Variants in FYN observed in about 807,000 individuals in gnomAD.
FYN encodes the protein tyrosine-protein kinase Fyn.
A neutral mutation model predicts 70.2 loss-of-function variants in FYN; 10 were observed. The ratio of observed to expected loss-of-function variants is 0.14; its 90% confidence interval spans 0.09 to 0.24. The LOEUF is 0.24. Among genes scored for constraint, FYN ranks in the 10% least tolerant of loss-of-function variants. The probability of loss-of-function intolerance (pLI) is 1.00; values close to 1 mark genes in which losing one functional copy is unlikely to be tolerated. For missense variants in FYN, 319 were observed against 673.1 expected, an observed-to-expected ratio of 0.47 and a Z score of 5.82; for synonymous variants, 236 against 248.6, an observed-to-expected ratio of 0.95 and a Z score of 0.48.
intron 9 of FYN, chr6:111,699,625 C>G: frequency 1.2e-6 from 2 of 1,614,116 alleles, no homozygotes; most frequent in Non-Finnish European, 1.7e-6. Flanking sequence ...TGGGGTACAA[C>G]TCGATGCAAT....
chr6:111,860,237 T>A (rs1049865865), intron 1 of FYN, among the ~76,000 whole-genome samples: 2 of 152,220 alleles, frequency 1.3e-5, no homozygotes, highest in Admixed American at 1.3e-4. Context: ...TTAATTAAGA[T>A]CTCATCTCCA....
intron 12 of FYN, among the ~76,000 whole-genome samples, chr6:111,678,952 AGTCCTCG>A (rs1798666102): frequency 6.6e-6 from 1 of 152,126 alleles, no homozygotes; most frequent in Non-Finnish European, 1.5e-5. Context: ...CCCTTCCTCT[AGTCCTCG>A]CTTGCTCAGC....
At position 111,825,823 on chromosome 6, in the gene FYN, G is replaced by C. The variant is rs555336915; in HGVS notation, c.-82+20766C>G. Among the ~76,000 whole-genome samples, 3 of 152,212 alleles carry C rather than the reference G, an allele frequency of 2.0e-5. No individual in the cohort carries two copies. In the South Asian group the frequency reaches 6.2e-4, roughly 32 times the overall value. Reference sequence around the variant, plus strand: ...GAGGAAAGCTGGAGGGAAAAAGAGGGACTTAAAGAAATATTGCTGTAATTC... The same window carrying C: ...GAGGAAAGCTGGAGGGAAAAAGAGGCACTTAAAGAAATATTGCTGTAATTC... On this transcript the variant is annotated intron_variant, in intron 2 of 13. Coordinates refer to ENST00000354650, the MANE Select transcript of FYN (RefSeq NM_002037.5).
chr6:111,665,025 G>A (rs1224166976), intron 13 of FYN, among the ~76,000 whole-genome samples: 2 of 152,216 alleles, frequency 1.3e-5, no homozygotes, highest in Admixed American at 6.5e-5. Context: ...TGCCCACTCA[G>A]CAAGGCTTGG....
intron 1 of FYN, among the ~76,000 whole-genome samples, chr6:111,853,215 T>C (rs1190395022): frequency 1.3e-5 from 2 of 152,202 alleles, no homozygotes; most frequent in African/African-American, 2.4e-5. Context: ...GTTTTATGCA[T>C]TGTAAGACTT....
chr6:111,870,857 AAC>A (rs1246159524), intron 1 of FYN, among the ~76,000 whole-genome samples: 1 of 152,210 alleles, frequency 6.6e-6, no homozygotes, highest in Non-Finnish European at 1.5e-5. Context: ...AAACTTGGTC[AAC>A]AGAGTGTGAG....
At chr6:111,870,041 T>C (rs1774227068) in intron 1 of FYN, among the ~76,000 whole-genome samples, 1 of 152,242 alleles carries the variant, frequency 6.6e-6, no homozygotes, top group Admixed American at 6.5e-5. Context: ...CCTTGATAAG[T>C]GGCAGTGTTT....
intron 12 of FYN, among the ~76,000 whole-genome samples, chr6:111,678,620 C>T (rs866697691): frequency 1.3e-5 from 2 of 152,132 alleles, no homozygotes; most frequent in Non-Finnish European, 2.9e-5. Flanking sequence ...AACCAATTTC[C>T]CTCTCAATTG....
chr6:111,830,985 A>AC (rs1772999562), intron 2 of FYN, among the ~76,000 whole-genome samples: 1 of 152,142 alleles, frequency 6.6e-6, no homozygotes, highest in Non-Finnish European at 1.5e-5. Flanking sequence ...AAGGGGGGCT[A>AC]TTTGTGTAAT....
intron 5 of FYN, among the ~76,000 whole-genome samples, chr6:111,713,032 C>T (rs1002857336): frequency 6.6e-6 from 1 of 152,152 alleles, no homozygotes; most frequent in African/African-American, 2.4e-5. Context: ...AAAACACCAC[C>T]CCACACCTTT....
rs145890305 is a variant in FYN, at chr6:111,868,251, T to C, written c.-123+4717A>G. Among the ~76,000 whole-genome samples the C allele has an allele frequency of 2.9e-3, 442 of 152,270 alleles. 3 individuals carry two copies. The highest frequency in any genetic ancestry group is 0.01 in the African/African-American group (429 of 41,558). ...TAGCTCTGCAAAACTAGCAAGTAAGTTCCTTCGGGACAGGATCACATCTCT... is the reference window on the plus strand; with the variant it reads ...TAGCTCTGCAAAACTAGCAAGTAAGCTCCTTCGGGACAGGATCACATCTCT... On this transcript the variant is annotated intron_variant, in intron 1 of 13. Transcript: ENST00000354650.
chr6:111,794,307 G>C (rs1771734199), intron 2 of FYN, among the ~76,000 whole-genome samples: 1 of 152,218 alleles, frequency 6.6e-6, no homozygotes, highest in African/African-American at 2.4e-5. Context: ...TCCCTAATTA[G>C]AGTTCTCTGG....
intron 3 of FYN, among the ~76,000 whole-genome samples, chr6:111,764,302 G>A (rs1188152925): frequency 6.6e-6 from 1 of 150,488 alleles, no homozygotes; most frequent in Non-Finnish European, 1.5e-5. Flanking sequence ...AAACCTCTGA[G>A]GAAGTAATAA....
At chr6:111,797,665 CATATATATATATATATATATATATATAT>C (rs57984132) in intron 2 of FYN, among the ~76,000 whole-genome samples, 20,269 of 91,108 alleles carry the variant, frequency 0.22, 2,577 homozygotes, top group East Asian at 0.4. Context: ...ATCAAAGTTT[CATATATATATATATATATATATATATAT>C]ATATATATAT....
Position 111,696,436 on chromosome 6 carries a change from T to C in FYN, c.883A>G (p.Lys295Glu). The change falls in exon 10 of 14, where the codon AAA (lysine) becomes GAA (glutamate). Residue 295 changes from lysine (K) to glutamate (E), a missense_variant. Around this residue, in one of 4 missense-constraint regions of FYN, gnomAD observed 112 missense variants for 250.2 expected, o/e 0.45. Coordinates refer to ENST00000354650, the MANE Select transcript of FYN (RefSeq NM_002037.5). ...GGTTTAAGAGTCTTTATGGCTACTT[T>C]TGTGTTTCCATTCCAGGTACCTACA... Reference protein sequence around the residue: ...VWMGTWNGNTKVAIKTLKPGT... With the variant: ...VWMGTWNGNTEVAIKTLKPGT... 6.2e-7 allele frequency: 1 copy of C among 1,605,536 alleles called. No homozygotes were observed. The highest frequency in any genetic ancestry group is 8.5e-7 in the Non-Finnish European group (1 of 1,175,412).
intron 2 of FYN, among the ~76,000 whole-genome samples, chr6:111,786,057 TTTAAA>T (rs1174678870): frequency 1.3e-5 from 2 of 151,658 alleles, no homozygotes; most frequent in Admixed American, 1.3e-4. Context: ...ATTCTTTTAT[TTTAAA>T]TTATTTTTTT....
Position 111,661,587 on chromosome 6 carries a change from T to C in FYN, c.*152A>G, listed in dbSNP as rs916448076. On this transcript the variant is annotated 3_prime_UTR_variant, in exon 14 of 14. Coordinates refer to ENST00000354650, the MANE Select transcript of FYN (RefSeq NM_002037.5). The surrounding 1 kb of genome is among the most constrained non-coding windows in gnomAD (Gnocchi z 4.0). ...CGGATTTGGGGACAAGTGTCATTAA[T>C]GAGGGCCATGGAAGTTCGTCAGCTT... 12 of 677,326 alleles carry C rather than the reference T, an allele frequency of 1.8e-5. No individual in the cohort carries two copies. In the African/African-American group the frequency reaches 2.0e-4, roughly 11 times the overall value. 42.0% of individuals were successfully genotyped at this position (677,326 alleles called of 1,614,324 possible).
chr6:111,809,456 T>C (rs1177548895), intron 2 of FYN, among the ~76,000 whole-genome samples: 1 of 152,238 alleles, frequency 6.6e-6, no homozygotes, highest in Non-Finnish European at 1.5e-5. Context: ...TCTGGATTAG[T>C]CATGGTGCTT....
intron 2 of FYN, among the ~76,000 whole-genome samples, chr6:111,796,554 C>T (rs550225991): frequency 6.6e-6 from 1 of 152,284 alleles, no homozygotes; most frequent in South Asian, 2.1e-4. Context: ...TATCCCTGTC[C>T]TGAAGCAACG....
Sources: allele counts gnomAD v4.1 joint callset (sites outside exome capture counted in the v4.1 genomes callset), GRCh38; gene constraint gnomAD v4.1.1; regional missense constraint gnomAD v4.1.1; non-coding constraint Gnocchi (gnomAD v3.1); transcripts MANE v1.5; gene names NCBI Gene and HGNC (gene_info 2026-07-23, HGNC 2026-07-21).